KYNU: variants seen among roughly 807,000 people sequenced by gnomAD.
KYNU encodes the protein L-kynurenine hydrolase.
Under a neutral mutation model 59.2 loss-of-function variants are expected in KYNU, and 54 were observed. The observed-to-expected ratio is 0.91, with a 90% CI of 0.73 to 1.14. KYNU has a LOEUF of 1.14. KYNU is among the 50% of genes most tolerant of loss of function. The probability of loss-of-function intolerance (pLI) is 0.00; values close to 1 mark genes in which losing one functional copy is unlikely to be tolerated. For missense variants in KYNU, 567 were observed against 554.4 expected, an observed-to-expected ratio of 1.02 and a Z score of -0.23; for synonymous variants, 177 against 192.0, an observed-to-expected ratio of 0.92 and a Z score of 0.65.
intron 2 of KYNU, among the ~76,000 whole-genome samples, chr2:142,909,530 A>G (rs1215787597): frequency 6.6e-6 from 1 of 152,170 alleles, no homozygotes; most frequent in Non-Finnish European, 1.5e-5. Flanking sequence ...GTTAGCTCCC[A>G]CTTAAAAATG....
chr2:142,936,892 G>A (rs865918162), intron 4 of KYNU, among the ~76,000 whole-genome samples: 1 of 152,150 alleles, frequency 6.6e-6, no homozygotes, highest in Non-Finnish European at 1.5e-5. Context: ...GCACCAGAAC[G>A]TAAAATTTTT....
chr2:143,036,775 G>A (rs149105630), intron 12 of KYNU, among the ~76,000 whole-genome samples: 58 of 152,308 alleles, frequency 3.8e-4, no homozygotes, highest in Non-Finnish European at 6.8e-4. Context: ...GTGAACCACT[G>A]CACTCAGCCA....
chr2:142,944,388 T>C (rs947125220), intron 4 of KYNU, among the ~76,000 whole-genome samples: 1 of 152,134 alleles, frequency 6.6e-6, no homozygotes, highest in Admixed American at 6.6e-5. Context: ...TGATGTTCAA[T>C]AAATAAATAA....
At chr2:142,882,281 G>C (rs565612822) in intron 1 of KYNU, among the ~76,000 whole-genome samples, 5 of 150,390 alleles carry the variant, frequency 3.3e-5, no homozygotes, top group Non-Finnish European at 7.4e-5. Context: ...ATTCACCACC[G>C]TTTCTCTCCT....
chr2:142,882,157 T>C (rs1440848735), intron 1 of KYNU, among the ~76,000 whole-genome samples: 1 of 152,026 alleles, frequency 6.6e-6, no homozygotes, highest in Non-Finnish European at 1.5e-5. Flanking sequence ...AGAAGAAAGC[T>C]CCTTTCCTGT....
intron 1 of KYNU, among the ~76,000 whole-genome samples, chr2:142,879,222 C>T (rs1458457085): frequency 6.6e-6 from 1 of 152,100 alleles, no homozygotes; most frequent in Non-Finnish European, 1.5e-5. Context: ...AGAGTGAGTG[C>T]ACTATGCTAT....
chr2:143,021,308 A>G (rs930878426), intron 10 of KYNU, among the ~76,000 whole-genome samples: 3 of 152,108 alleles, frequency 2.0e-5, no homozygotes, highest in Non-Finnish European at 4.4e-5. Context: ...ATAATGAGTT[A>G]TATATTGTTT....
At chr2:142,994,904 A>G (rs930327199) in intron 10 of KYNU, among the ~76,000 whole-genome samples, 1 of 152,122 alleles carries the variant, frequency 6.6e-6, no homozygotes, top group Non-Finnish European at 1.5e-5. Context: ...AATACTGTCA[A>G]ATTAAATATG....
chr2:142,918,568 TTTTA>T, intron 2 of KYNU, 37 bp from the exon 3 acceptor site: 2 of 1,469,550 alleles, frequency 1.4e-6, no homozygotes, highest in Admixed American at 4.8e-5. Context: ...CTGAAAAAGC[TTTTA>T]TTTTTTTTTT....
At chr2:142,971,265 A>G (rs1397695876) in intron 8 of KYNU, 1 of 152,076 alleles carries the variant, frequency 6.6e-6, no homozygotes, top group Non-Finnish European at 1.5e-5. Flanking sequence ...CATTGAAGCC[A>G]AGTCATCGCT....
chr2:142,997,409 C>T (rs557350491), intron 10 of KYNU, among the ~76,000 whole-genome samples: 1 of 152,250 alleles, frequency 6.6e-6, no homozygotes, highest in African/African-American at 2.4e-5. Flanking sequence ...AACAATCATG[C>T]TGTACCCAGC....
intron 8 of KYNU, chr2:142,964,646 A>G (rs1558947964): frequency 6.6e-6 from 1 of 151,964 alleles, no homozygotes; most frequent in African/African-American, 2.4e-5. Flanking sequence ...TCCTGGTTTG[A>G]TTGTAGGTGG....
In KYNU at chr2:143,042,198, A is replaced by G. The variant is rs1159839808; in HGVS notation, c.*26A>G. ...CAGTGTTTTCTAGAACAACTTAAGC[A>G]AATTATACTGAAAGCTGCTGTGGTT... On this transcript the variant is annotated 3_prime_UTR_variant, in exon 14 of 14. Transcript: ENST00000264170. 8 of 1,602,658 alleles carry G rather than the reference A, an allele frequency of 5.0e-6. No homozygotes were observed. Among genetic ancestry groups the G allele is most frequent in the Non-Finnish European group, 6.8e-6 (8 of 1,174,668 alleles).
intron 10 of KYNU, among the ~76,000 whole-genome samples, chr2:143,004,269 A>G (rs976287029): frequency 3.9e-5 from 6 of 152,324 alleles, no homozygotes; most frequent in East Asian, 1.9e-4. Context: ...CCATAGGCCT[A>G]TGAAGTTATA....
chr2:143,024,929 T>C (rs1686508957), intron 10 of KYNU, among the ~76,000 whole-genome samples: 1 of 152,142 alleles, frequency 6.6e-6, no homozygotes, highest in Non-Finnish European at 1.5e-5. Context: ...TAAACTATTT[T>C]AAATATATCT....
In KYNU at chr2:142,957,948, C is replaced by A. The variant is rs7581211; in HGVS notation, c.582+233C>A. ...GCCATATGGCAAGCAAACTATTTTT[C>A]TGTTAATACCACTGGATTCTGCCAT... On this transcript the variant is annotated intron_variant, in intron 7 of 13. Transcript: ENST00000264170. 3,908 of 457,872 alleles carry A rather than the reference C, an allele frequency of 8.5e-3. 125 individuals carry two copies. Among genetic ancestry groups the A allele is most frequent in the African/African-American group, 0.07 (3,525 of 50,250 alleles). The allele number at this position is 457,872 out of a possible 1,614,324, so 28.4% of individuals were successfully genotyped here.
intron 2 of KYNU, among the ~76,000 whole-genome samples, chr2:142,915,423 T>G (rs1023913238): frequency 9.9e-5 from 15 of 152,246 alleles, no homozygotes; most frequent in African/African-American, 3.6e-4. Flanking sequence ...GACACATTCC[T>G]TTGTTCCAAA....
At chr2:142,947,271 G>T in intron 4 of KYNU, 4 of 1,534,570 alleles carry the variant, frequency 2.6e-6, no homozygotes, top group Non-Finnish European at 2.6e-6. Flanking sequence ...GTAGGAACCA[G>T]ACAAATTCAC....
rs978900105 is a variant in KYNU at position 143,040,619 on chromosome 2, C to T, written c.1233C>T (p.Asn411=). The T allele has an allele frequency of 1.9e-6, 3 of 1,608,446 alleles. No individual in the cohort carries two copies. The African/African-American group carries it at 4.0e-5, about 22-fold the overall frequency. ...TAACAATAACATTTTCTGTTCCAAA[C>T]AAAGATGTTTTCCAAGAACTAGAAA... ...CQLTITFSVP[N]KDVFQELEKR... The change falls in exon 13 of 14, where the codon AAC becomes AAT. Residue 411 remains asparagine (N), a synonymous_variant. Coordinates refer to ENST00000264170, the MANE Select transcript of KYNU (RefSeq NM_003937.3).
Sources: gnomAD v4.1 joint callset for allele counts (sites outside exome capture counted in the v4.1 genomes callset) on GRCh38, gnomAD v4.1.1 for gene constraint, MANE v1.5 for transcripts, NCBI Gene and HGNC (gene_info 2026-07-23, HGNC 2026-07-21) for gene names.